The following P3H2 variants were observed in gnomAD, a reference collection of about 807,000 sequenced individuals.
P3H2 encodes leprecan-like 1.
P3H2 carries 80 observed loss-of-function variants against 87.0 expected under a neutral mutation model. That is an observed-to-expected ratio of 0.92 (90% confidence interval 0.77 to 1.11). P3H2 has a LOEUF of 1.11. Among genes scored for constraint, P3H2 ranks in the 50% least tolerant of loss-of-function variants. The probability of loss-of-function intolerance (pLI) is 0.00; values close to 1 mark genes in which losing one functional copy is unlikely to be tolerated. For missense variants in P3H2, 1,001 were observed against 923.9 expected (o/e 1.08, Z -1.08); for synonymous variants, 367 against 359.3 (o/e 1.02, Z -0.24).
chr3:190,072,900 C>G lies in P3H2; in HGVS notation c.480+47352G>C, dbSNP rs940971969. The stretch of plus-strand genomic sequence containing the variant: ...GATTTGTTATCTATACTTTGCTTCT[C>G]TATATTTTGCAAATTATCTACCATG... On this transcript the variant is annotated intron_variant, in intron 1 of 14. Transcript: ENST00000319332. 2.6e-5 allele frequency among the ~76,000 whole-genome samples: 4 copies of G among 152,126 alleles called. No homozygotes were observed. In the East Asian group the frequency reaches 7.7e-4, roughly 29 times the overall value.
chr3:190,071,987 T>G lies in P3H2; in HGVS notation c.480+48265A>C, dbSNP rs143532257. 3.9e-4 allele frequency among the ~76,000 whole-genome samples: 59 copies of G among 150,328 alleles called. No homozygotes were observed. The East Asian group carries it at 9.3e-3, about 24-fold the overall frequency. The stretch of plus-strand genomic sequence containing the variant: ...TAAAACAAGATGAAGGGTTTTTTTT[T>G]TTTTTTTTTTTGAGGCAGAGTTTCG... On this transcript the variant is annotated intron_variant, in intron 1 of 14. Transcript: ENST00000319332.
At chr3:189,969,025 A>C (rs1723087423) in intron 13 of P3H2, 3 of 251,748 alleles carry the variant, frequency 1.2e-5, no homozygotes, top group Admixed American at 5.1e-5. Flanking sequence ...AAATTGCAAA[A>C]ATTTTAAAAC....
At chr3:189,992,069 T>G (rs1723896259) in intron 3 of P3H2, among the ~76,000 whole-genome samples, 1 of 152,104 alleles carries the variant, frequency 6.6e-6, no homozygotes, top group South Asian at 2.1e-4. Context: ...GTTTGAGTTA[T>G]TAGGTGAGTA....
At chr3:189,963,570 G>C (rs1239282883) in intron 14 of P3H2, 2 of 224,186 alleles carry the variant, frequency 8.9e-6, no homozygotes, top group Non-Finnish European at 1.8e-5. Flanking sequence ...TCAGCTTCCC[G>C]AGTAACTGGA....
intron 1 of P3H2, among the ~76,000 whole-genome samples, chr3:190,092,738 C>T (rs1727447226): frequency 6.6e-6 from 1 of 152,088 alleles, no homozygotes; most frequent in South Asian, 2.1e-4. Flanking sequence ...TTATTTAAGG[C>T]AATTAAGCAA....
intron 1 of P3H2, among the ~76,000 whole-genome samples, chr3:190,032,329 T>C (rs2108948109): frequency 6.6e-6 from 1 of 152,330 alleles, no homozygotes; most frequent in Non-Finnish European, 1.5e-5. Flanking sequence ...ATTTACTATA[T>C]GAATTGCCTT....
At chr3:189,967,156 C>T (rs746090964) in intron 13 of P3H2, among the ~76,000 whole-genome samples, 1 of 151,912 alleles carries the variant, frequency 6.6e-6, no homozygotes, top group Non-Finnish European at 1.5e-5. Context: ...TAGTTATCTA[C>T]GTTATTCCCT....
chr3:190,120,520 A>C lies in P3H2; in HGVS notation c.212T>G (p.Leu71Arg), dbSNP rs990627880. ...ERAVRDLEAA[L>R]RSHRRLREIR... ...TTCCCGCAGGCGCCGGTGGCTGCGC[A>C]GCGCCGCTTCCAAGTCGCGCACCGC... Residue 71 changes from leucine (L) to arginine (R), a missense_variant, in exon 1 of 15, where the codon CTG becomes CGG. Physicochemically the swap from Leu to Arg is moderately radical, Grantham distance 102. Coordinates refer to ENST00000319332, the MANE Select transcript of P3H2 (RefSeq NM_018192.4). The C allele has an allele frequency of 4.0e-6, 6 of 1,484,680 alleles. No individual in the cohort carries two copies. The highest frequency in any genetic ancestry group is 4.2e-4 in the Middle Eastern group (2 of 4,760). The allele number at this position is 1,484,680 out of a possible 1,614,324, so 92.0% of individuals were successfully genotyped here.
chr3:189,972,465 G>T (rs913793222), intron 11 of P3H2, among the ~76,000 whole-genome samples: 2 of 152,296 alleles, frequency 1.3e-5, no homozygotes, highest in South Asian at 4.1e-4. Context: ...GCTGAGCAGG[G>T]ACCGAGAAGG....
intron 1 of P3H2, among the ~76,000 whole-genome samples, chr3:190,026,417 A>G (rs1725086147): frequency 6.6e-6 from 1 of 152,192 alleles, no homozygotes; most frequent in Non-Finnish European, 1.5e-5. Context: ...CTGACAAAAC[A>G]GCTTGCAGTA....
intron 4 of P3H2, 26 bp downstream of exon 4, chr3:189,988,881 G>C: frequency 6.2e-7 from 1 of 1,613,774 alleles, no homozygotes; most frequent in Non-Finnish European, 8.5e-7. Context: ...CCCCCAAGAA[G>C]TCTTCACGGA....
chr3:190,001,985 T>C (rs1724231170), intron 1 of P3H2, among the ~76,000 whole-genome samples: 1 of 152,180 alleles, frequency 6.6e-6, no homozygotes, highest in Admixed American at 6.5e-5. Flanking sequence ...ACCTACTGAA[T>C]TAAACGAAAT....
chr3:190,087,400 T>C (rs1362270251), intron 1 of P3H2, among the ~76,000 whole-genome samples: 5 of 150,828 alleles, frequency 3.3e-5, no homozygotes, highest in East Asian at 3.9e-4. Flanking sequence ...AGAAATTAGC[T>C]GGGTGTGGTG....
chr3:189,997,088 C>G (rs1189705864), intron 1 of P3H2, among the ~76,000 whole-genome samples: 1 of 152,170 alleles, frequency 6.6e-6, no homozygotes, highest in African/African-American at 2.4e-5. Context: ...ATGGCGCGAT[C>G]TTGGCTCACT....
chr3:189,974,978 T>G (rs1295680835), intron 8 of P3H2, among the ~76,000 whole-genome samples: 3 of 152,224 alleles, frequency 2.0e-5, no homozygotes, highest in Non-Finnish European at 4.4e-5. Flanking sequence ...AAAAGTCGAC[T>G]GGGCATCTCA....
At chr3:190,046,909 G>C (rs1164943596) in intron 1 of P3H2, among the ~76,000 whole-genome samples, 2 of 152,036 alleles carry the variant, frequency 1.3e-5, no homozygotes, top group African/African-American at 4.8e-5. Flanking sequence ...AAGCTAAAAA[G>C]CTTCTGTACA....
intron 1 of P3H2, among the ~76,000 whole-genome samples, chr3:189,997,872 G>A (rs1724096703): frequency 6.6e-6 from 1 of 152,114 alleles, no homozygotes; most frequent in African/African-American, 2.4e-5. Context: ...TAACTATATA[G>A]GTATAAAGAA....
At chr3:190,058,084 T>C (rs1011014229) in intron 1 of P3H2, among the ~76,000 whole-genome samples, 1 of 152,138 alleles carries the variant, frequency 6.6e-6, no homozygotes, top group Admixed American at 6.6e-5. Flanking sequence ...ATAAAGACTG[T>C]AAGGAAGAGC....
At chr3:190,071,254 A>G (rs190275944) in intron 1 of P3H2, among the ~76,000 whole-genome samples, 2 of 152,352 alleles carry the variant, frequency 1.3e-5, no homozygotes, top group East Asian at 3.9e-4. Context: ...AAGGGCCTAC[A>G]TTAATTTTGA....
Sources: allele counts gnomAD v4.1 joint callset (sites outside exome capture counted in the v4.1 genomes callset), GRCh38; gene constraint gnomAD v4.1.1; transcripts MANE v1.5; gene names NCBI Gene and HGNC (gene_info 2026-07-23, HGNC 2026-07-21).